Variants in CCDC90B observed in about 807,000 individuals in gnomAD.
The protein encoded by CCDC90B is coiled-coil domain containing 90B.
CCDC90B carries 24 observed loss-of-function variants against 37.0 expected under a neutral mutation model. That is an observed-to-expected ratio of 0.65 (90% CI 0.47 to 0.91). The LOEUF (loss-of-function observed/expected upper bound fraction) is 0.91. Among genes scored for constraint, CCDC90B ranks in the 40% least tolerant of loss-of-function variants. The probability of loss-of-function intolerance (pLI) is 0.00; values close to 1 mark genes in which losing one functional copy is unlikely to be tolerated. For synonymous variants in CCDC90B, 113 were observed against 101.1 expected (o/e 1.12, Z -0.71); for missense variants, 319 against 299.0 (o/e 1.07, Z -0.49).
chr11:83,285,948 G>A lies in CCDC90B; in HGVS notation c.25C>T (p.Leu9Phe), dbSNP rs199827943. ...TCTCCTCTGCCTTGGGAGAGAAAGAGCCGCCAAGCCTGGCGACTATTCATG... is the reference window on the plus strand; with the variant it reads ...TCTCCTCTGCCTTGGGAGAGAAAGAACCGCCAAGCCTGGCGACTATTCATG... Reference protein sequence around the residue: MNSRQAWRLFLSQGRGDRW... With the variant: MNSRQAWRFFLSQGRGDRW... Residue 9 changes from leucine to phenylalanine, a missense_variant, in exon 1 of 9, where the codon CTC (leucine) becomes TTC (phenylalanine). Leu to Phe is a conservative substitution (Grantham distance 22, BLOSUM62 0). Coordinates refer to ENST00000529689, the MANE Select transcript of CCDC90B (RefSeq NM_021825.5). 5.5e-4 allele frequency: 891 copies of A among 1,612,540 alleles called. 11 individuals are homozygous for A. The Admixed American group carries it at 0.013, about 24-fold the overall frequency.
At position 83,261,218 on chromosome 11, in the gene CCDC90B, C is replaced by T. The variant is rs1386078005; in HGVS notation, c.*693G>A. On this transcript the variant is annotated 3_prime_UTR_variant, in exon 9 of 9. Transcript: ENST00000529689. ...AGTAGCTGGAATTACAGGCATGTGCCACCATGCCTGGCTAATTTTTGTATT... is the reference window on the plus strand; with the variant it reads ...AGTAGCTGGAATTACAGGCATGTGCTACCATGCCTGGCTAATTTTTGTATT... 6.6e-6 allele frequency: 1 copy of T among 152,174 alleles called. No individual in the cohort carries two copies. The highest frequency in any genetic ancestry group is 1.9e-4 in the East Asian group (1 of 5,192). 9.4% of individuals were successfully genotyped at this position (152,174 alleles called of 1,614,324 possible).
chr11:83,262,954 C>G (rs1360758789), intron 8 of CCDC90B, among the ~76,000 whole-genome samples: 2 of 152,156 alleles, frequency 1.3e-5, no homozygotes, highest in Non-Finnish European at 2.9e-5. Flanking sequence ...TGAGCAATTA[C>G]ACACACTACT....
rs1863830570 is a variant in CCDC90B at position 83,259,243 on chromosome 11, G to A, written c.*2668C>T. 1 of 152,058 alleles carries A rather than the reference G, an allele frequency of 6.6e-6. No individual in the cohort carries two copies. Among genetic ancestry groups the A allele is most frequent in the African/African-American group, 2.4e-5 (1 of 41,392 alleles). The allele number at this position is 152,058 out of a possible 1,614,324, so 9.4% of individuals were successfully genotyped here. ...GTGCAAGTGCTGGAATAGAGGTATA[G>A]TTTTAAGGCATATAGAAACACAATC... is the stretch of plus-strand genomic sequence containing the variant. On this transcript the variant is annotated 3_prime_UTR_variant, in exon 9 of 9. Coordinates refer to ENST00000529689, the MANE Select transcript of CCDC90B (RefSeq NM_021825.5).
At chr11:83,266,038 G>T (rs1250382611) in intron 7 of CCDC90B, 59 bp from the exon 8 acceptor site, 1 of 861,850 alleles carries the variant, frequency 1.2e-6, no homozygotes, top group African/African-American at 1.7e-5. Context: ...ATGGACAAAA[G>T]CATTTACATT....
Position 83,286,195 on chromosome 11 carries a change from C to T in CCDC90B, c.-223G>A. 2 of 1,533,052 alleles carry T rather than the reference C, an allele frequency of 1.3e-6. No individual in the cohort carries two copies. The highest frequency in any genetic ancestry group is 1.7e-6 in the Non-Finnish European group (2 of 1,144,564). 95.0% of individuals were successfully genotyped at this position (1,533,052 alleles called of 1,614,324 possible). A position where few individuals can be genotyped will look rare whatever the true frequency, so the allele number is the denominator to read the frequency against. On this transcript the variant is annotated 5_prime_UTR_variant, in exon 1 of 9. Coordinates refer to ENST00000529689, the MANE Select transcript of CCDC90B (RefSeq NM_021825.5). Reference sequence around the variant, plus strand: ...CATGGCTCAGCGCTGCCCCGCTTCTCCCAGCGCCCCTTCCCGACCTTTGAA... The same window carrying T: ...CATGGCTCAGCGCTGCCCCGCTTCTTCCAGCGCCCCTTCCCGACCTTTGAA...
chr11:83,265,968 G>C lies in CCDC90B; in HGVS notation c.606C>G (p.Thr202=). The change falls in exon 8 of 9, where the codon ACC becomes ACG. Residue 202 remains threonine (T), a synonymous_variant. Coordinates refer to ENST00000529689, the MANE Select transcript of CCDC90B (RefSeq NM_021825.5). ...TTEFTKKDTQ[T]KSIISETSNK... is the part of the protein sequence containing the mutation. ...TACTGGTCTCTGAAATAATACTTTT[G>C]GTTTGAGTATCCTGTGGTAAACCAG... is the stretch of plus-strand genomic sequence containing the variant. 1 of 1,590,064 alleles carries C rather than the reference G, an allele frequency of 6.3e-7. No homozygotes were observed.
At chr11:83,283,637 T>C (rs1865519307) in intron 1 of CCDC90B, among the ~76,000 whole-genome samples, 1 of 152,212 alleles carries the variant, frequency 6.6e-6, no homozygotes, top group African/African-American at 2.4e-5. Context: ...AACTGTGTCA[T>C]GGGCAGTTCA....
chr11:83,277,514 T>C (rs1025796483), intron 3 of CCDC90B, among the ~76,000 whole-genome samples: 4 of 151,964 alleles, frequency 2.6e-5, no homozygotes, highest in Non-Finnish European at 5.9e-5. Flanking sequence ...TGAGATGGAG[T>C]CTCTGTCACC....
Position 83,274,693 on chromosome 11 carries a change from T to C in CCDC90B, c.372A>G (p.Lys124=). The C allele has an allele frequency of 6.2e-7, 1 of 1,610,838 alleles. No homozygotes were observed. Among genetic ancestry groups the C allele is most frequent in the Non-Finnish European group, 8.5e-7 (1 of 1,178,270 alleles). ...CACTTTTCTCTAGGATGACCATGTC[T>C]TTCCTGATAGCATCCAAATGAGCCA... The part of the protein sequence containing the change: ...QLMAHLDAIR[K]DMVILEKSEF... The change falls in exon 4 of 9, where the codon AAA becomes AAG. Residue 124 remains lysine (K), a synonymous_variant. Coordinates refer to ENST00000529689, the MANE Select transcript of CCDC90B (RefSeq NM_021825.5).
chr11:83,267,763 A>T (rs1360495783), intron 7 of CCDC90B, among the ~76,000 whole-genome samples: 1 of 152,206 alleles, frequency 6.6e-6, no homozygotes, highest in East Asian at 1.9e-4. Flanking sequence ...AAAGAACATC[A>T]CAAAGATACT....
chr11:83,282,890 A>G (rs1375786745), intron 1 of CCDC90B, among the ~76,000 whole-genome samples: 2 of 152,206 alleles, frequency 1.3e-5, no homozygotes, highest in African/African-American at 4.8e-5. Flanking sequence ...ACTATAGCCC[A>G]TAGACTACCA....
chr11:83,271,298 T>A (rs1385915960), intron 7 of CCDC90B, among the ~76,000 whole-genome samples: 1 of 152,134 alleles, frequency 6.6e-6, no homozygotes, highest in Non-Finnish European at 1.5e-5. Flanking sequence ...CTAAAGAGCT[T>A]CTGTACAGCA....
At chr11:83,272,719 A>C (rs1180316086) in intron 7 of CCDC90B, among the ~76,000 whole-genome samples, 1 of 152,256 alleles carries the variant, frequency 6.6e-6, no homozygotes, top group East Asian at 1.9e-4. Flanking sequence ...TCTTTGAAAG[A>C]ACAAATGTGA....
Position 83,286,327 on chromosome 11 carries a change from G to C in CCDC90B, c.-355C>G. On this transcript the variant is annotated 5_prime_UTR_variant, in exon 1 of 9. Transcript: ENST00000529689. Reference sequence around the variant, plus strand: ...AGCTGGCTCCCCCAAGATAGCCAGCGGCCATTACGCGCTTGGGTCGGGGGA... The same window carrying C: ...AGCTGGCTCCCCCAAGATAGCCAGCCGCCATTACGCGCTTGGGTCGGGGGA... 2 of 806,212 alleles carry C rather than the reference G, an allele frequency of 2.5e-6. No individual in the cohort carries two copies. Among genetic ancestry groups the C allele is most frequent in the Non-Finnish European group, 3.8e-6 (2 of 522,516 alleles). 49.9% of individuals were successfully genotyped at this position (806,212 alleles called of 1,614,324 possible). A position where few individuals can be genotyped will look rare whatever the true frequency, so the allele number is the denominator to read the frequency against.
chr11:83,275,519 CAA>C (rs35773488), intron 3 of CCDC90B, among the ~76,000 whole-genome samples: 269 of 133,450 alleles, frequency 2.0e-3, no homozygotes, highest in South Asian at 3.3e-3. Flanking sequence ...GCAAATATTC[CAA>C]AAAAAAAAAA....
chr11:83,275,784 G>C (rs544606148), intron 3 of CCDC90B, among the ~76,000 whole-genome samples: 1 of 152,318 alleles, frequency 6.6e-6, no homozygotes, highest in Non-Finnish European at 1.5e-5. Context: ...GCCATTTACT[G>C]TGAGATGCCA....
intron 1 of CCDC90B, among the ~76,000 whole-genome samples, chr11:83,280,563 G>T (rs539382712): frequency 2.4e-4 from 37 of 152,278 alleles, no homozygotes; most frequent in African/African-American, 8.9e-4. Context: ...CACCACCTCA[G>T]CTCTAATTAC....
Position 83,285,874 on chromosome 11 carries a change from T to G in CCDC90B, c.99A>C (p.Arg33Ser). The change falls in exon 1 of 9, where the codon AGA (arginine) becomes AGC (serine). Residue 33 changes from arginine (R) to serine (S), a missense_variant and splice_region_variant. Transcript: ENST00000529689. ...PRGHFSPALR[R>S]EFFTTTTKEG... ...CTATGACACGACGCCTTGCCTCACCTCTCCGCAGGGCCGGCGAGAAATGCC... is the reference window on the plus strand; with the variant it reads ...CTATGACACGACGCCTTGCCTCACCGCTCCGCAGGGCCGGCGAGAAATGCC... The G allele has an allele frequency of 6.2e-7, 1 of 1,611,416 alleles. No individual in the cohort carries two copies. Among genetic ancestry groups the G allele is most frequent in the Non-Finnish European group, 8.5e-7 (1 of 1,179,492 alleles).
Position 83,264,276 on chromosome 11 carries a change from A to G in CCDC90B, c.709+1589T>C, listed in dbSNP as rs575646837. Among the ~76,000 whole-genome samples, 37 of 152,336 alleles carry G rather than the reference A, an allele frequency of 2.4e-4. 1 individual carries two copies. The highest frequency in any genetic ancestry group is 3.4e-3 in the Middle Eastern group (1 of 294). On this transcript the variant is annotated intron_variant, in intron 8 of 8. Transcript: ENST00000529689. ...TTCTAATAAAAAGATGTCTGTGTGG[A>G]AAGAAATAGGACATTTGGTTAAACT... is the stretch of plus-strand genomic sequence containing the variant.
Sources: allele counts gnomAD v4.1 joint callset (sites outside exome capture counted in the v4.1 genomes callset), GRCh38; gene constraint gnomAD v4.1.1; transcripts MANE v1.5; gene names NCBI Gene and HGNC (gene_info 2026-07-23, HGNC 2026-07-21).